CPLANE1: variants seen among roughly 807,000 people sequenced by gnomAD.
CPLANE1 encodes ciliogenesis and planar polarity effector 1.
Under a neutral mutation model 362.5 loss-of-function variants are expected in CPLANE1, and 263 were observed. That is an observed-to-expected ratio of 0.73 (90% CI 0.66 to 0.80). The LOEUF is 0.80. Among genes scored for constraint, CPLANE1 ranks in the 30% least tolerant of loss-of-function variants. CPLANE1 has a pLI of 0.00. For missense variants in CPLANE1, 3,461 were observed against 3,793.4 expected, an observed-to-expected ratio of 0.91 and a Z score of 2.30; for synonymous variants, 1,212 against 1,302.6, an observed-to-expected ratio of 0.93 and a Z score of 1.50.
intron 25 of CPLANE1, among the ~76,000 whole-genome samples, chr5:37,184,082 T>C (rs1340034722): frequency 6.6e-6 from 1 of 152,140 alleles, no homozygotes; most frequent in East Asian, 1.9e-4. Flanking sequence ...TACAACAAAA[T>C]TTAGGATTTC....
chr5:37,162,869 G>A (rs374461675), intron 37 of CPLANE1, among the ~76,000 whole-genome samples: 102 of 152,190 alleles, frequency 6.7e-4, no homozygotes, highest in African/African-American at 2.1e-3. Flanking sequence ...TAGGAGAGAC[G>A]GGGTTTCGCC....
chr5:37,135,119 T>C (rs1767239824), intron 46 of CPLANE1, among the ~76,000 whole-genome samples: 2 of 152,160 alleles, frequency 1.3e-5, no homozygotes, highest in South Asian at 4.1e-4. Context: ...AATGGTGCTT[T>C]TGCTGCATCC....
rs773369807 is a variant in CPLANE1, at chr5:37,180,847, G to A, written c.5570+10C>T. The A allele has an allele frequency of 1.8e-5, 29 of 1,612,046 alleles. No homozygotes were observed. Among genetic ancestry groups the A allele is most frequent in the Middle Eastern group, 3.3e-4 (2 of 6,076 alleles). On this transcript the variant is annotated intron_variant, in intron 27 of 52. Coordinates refer to ENST00000651892, the MANE Select transcript of CPLANE1 (RefSeq NM_001384732.1). Reference sequence around the variant, plus strand: ...TTATATTGAAAAGAAGAGTATAATCGGCAACTTACTTCAAGATATTTTGAC... The same window carrying A: ...TTATATTGAAAAGAAGAGTATAATCAGCAACTTACTTCAAGATATTTTGAC...
intron 29 of CPLANE1, 71 bp downstream of exon 29, chr5:37,179,290 A>G: frequency 1.0e-6 from 1 of 993,942 alleles, no homozygotes; most frequent in South Asian, 1.5e-5. Context: ...AACAATGAAT[A>G]AAAACATGTA....
intron 51 of CPLANE1, among the ~76,000 whole-genome samples, chr5:37,111,121 C>G (rs574399378): frequency 7.3e-6 from 1 of 136,160 alleles, no homozygotes; most frequent in Non-Finnish European, 1.6e-5. Flanking sequence ...TATTAACTTT[C>G]TATTCTTTTT....
In CPLANE1 at chr5:37,195,706, T is replaced by C. The variant is rs574138837; in HGVS notation, c.3811+152A>G. On this transcript the variant is annotated intron_variant, in intron 21 of 52. Transcript: ENST00000651892. ...GACTTACTATCATATATATCATATA[T>C]ATATACATAGCTGTTAAAGTACAAT... The C allele has an allele frequency of 3.8e-5, 23 of 598,840 alleles. No individual in the cohort carries two copies. The African/African-American group carries it at 4.4e-4, about 11-fold the overall frequency. 37.1% of individuals were successfully genotyped at this position (598,840 alleles called of 1,614,324 possible). A position where few individuals can be genotyped will look rare whatever the true frequency, so the allele number is the denominator to read the frequency against.
chr5:37,086,825 C>T, the CPLANE1 span, among the ~76,000 whole-genome samples: 27 of 152,156 alleles, frequency 1.8e-4, no homozygotes, highest in Non-Finnish European at 3.5e-4. Context: ...TGTCAGTGTA[C>T]GTTATTCATC....
intron 25 of CPLANE1, among the ~76,000 whole-genome samples, chr5:37,184,229 G>A (rs1332007606): frequency 6.6e-6 from 1 of 151,974 alleles, no homozygotes; most frequent in Non-Finnish European, 1.5e-5. Context: ...CCTGTTGGGC[G>A]GACACCTTAA....
intron 46 of CPLANE1, among the ~76,000 whole-genome samples, chr5:37,136,688 A>C (rs1767802067): frequency 6.6e-6 from 1 of 152,166 alleles, no homozygotes; most frequent in Non-Finnish European, 1.5e-5. Flanking sequence ...CATCCTCTGA[A>C]ATCTACTAGA....
At chr5:37,146,193 T>TC in intron 43 of CPLANE1, among the ~76,000 whole-genome samples, 1 of 152,226 alleles carries the variant, frequency 6.6e-6, no homozygotes, top group African/African-American at 2.4e-5. Context: ...CTTTTTTTTT[T>TC]TTCGAGACGG....
At chr5:37,118,400 CAAAAAAAAA>C (rs560421140) in intron 50 of CPLANE1, among the ~76,000 whole-genome samples, 6 of 89,260 alleles carry the variant, frequency 6.7e-5, no homozygotes, top group Non-Finnish European at 1.5e-4. Context: ...CACTGTGTCT[CAAAAAAAAA>C]AAAAAAAAGG....
At chr5:37,230,233 AAG>A (rs1797433721) in intron 9 of CPLANE1, among the ~76,000 whole-genome samples, 1 of 151,806 alleles carries the variant, frequency 6.6e-6, no homozygotes, top group African/African-American at 2.4e-5. Context: ...AAAAAAAAAA[AAG>A]AATAACTAAC....
chr5:37,078,952 A>T, the CPLANE1 span, among the ~76,000 whole-genome samples: 1 of 152,000 alleles, frequency 6.6e-6, no homozygotes, highest in African/African-American at 2.4e-5. Context: ...TGGATATTAG[A>T]CTTTTGTCAG....
chr5:37,186,414 TAAG>T lies in CPLANE1; in HGVS notation c.4081-23_4081-21del. 8.9e-7 allele frequency: 1 copy of T among 1,121,422 alleles called. No homozygotes were observed. Among genetic ancestry groups the T allele is most frequent in the East Asian group, 2.3e-5 (1 of 42,554 alleles). The allele number at this position is 1,121,422 out of a possible 1,614,324, so 69.5% of individuals were successfully genotyped here. A position where few individuals can be genotyped will look rare whatever the true frequency, so the allele number is the denominator to read the frequency against. ...TGCTACCTTCAGAAAAAAAATTGTT[TAAG>T]TTTTATGAGAAACATCATTCTTTTT... On this transcript the variant is annotated intron_variant, in intron 23 of 52. Transcript: ENST00000651892.
intron 32 of CPLANE1, among the ~76,000 whole-genome samples, chr5:37,172,646 G>C (rs902100059): frequency 2.0e-5 from 3 of 152,242 alleles, no homozygotes; most frequent in East Asian, 1.9e-4. Flanking sequence ...TGGGACAGGG[G>C]GACATGCTGA....
intron 14 of CPLANE1, among the ~76,000 whole-genome samples, chr5:37,223,643 A>G (rs924907987): frequency 1.3e-5 from 2 of 152,136 alleles, no homozygotes; most frequent in Non-Finnish European, 2.9e-5. Flanking sequence ...AAAAGCTATA[A>G]CTTGTTTCTA....
chr5:37,111,621 G>A (rs1269106611), intron 51 of CPLANE1, among the ~76,000 whole-genome samples: 1 of 152,114 alleles, frequency 6.6e-6, no homozygotes, highest in Non-Finnish European at 1.5e-5. Flanking sequence ...CTTTTGACTA[G>A]CCCCAAGAGT....
In CPLANE1 at chr5:37,230,697, C is replaced by A. The variant is rs192089794; in HGVS notation, c.1121+170G>T. Among the ~76,000 whole-genome samples, 40 of 151,608 alleles carry A rather than the reference C, an allele frequency of 2.6e-4. 1 individual carries two copies. The highest frequency in any genetic ancestry group is 2.6e-3 in the Admixed American group (39 of 15,236). On this transcript the variant is annotated intron_variant, in intron 9 of 52. Transcript: ENST00000651892. ...TGTCAAATTTTCACCAGGATTAAGCCACAAAAAGAAACAGAAGAAAACTAC... is the reference window on the plus strand; with the variant it reads ...TGTCAAATTTTCACCAGGATTAAGCAACAAAAAGAAACAGAAGAAAACTAC...
At chr5:37,100,471 T>C in the CPLANE1 span, among the ~76,000 whole-genome samples, 1 of 152,194 alleles carries the variant, frequency 6.6e-6, no homozygotes, top group Non-Finnish European at 1.5e-5. Context: ...GGTCTATGTG[T>C]CTGTTTCTGT....
Sources: gnomAD v4.1 joint callset for allele counts (sites outside exome capture counted in the v4.1 genomes callset) on GRCh38, gnomAD v4.1.1 for gene constraint, MANE v1.5 for transcripts, NCBI Gene and HGNC (gene_info 2026-07-23, HGNC 2026-07-21) for gene names.